Variants in PDE4B observed in about 807,000 individuals in gnomAD.
PDE4B encodes the protein 3',5'-cyclic-AMP phosphodiesterase 4B.
A neutral mutation model predicts 82.2 loss-of-function variants in PDE4B; 20 were observed. The observed-to-expected ratio is 0.24, with a 90% CI of 0.17 to 0.35. The LOEUF (loss-of-function observed/expected upper bound fraction) is 0.35. PDE4B is among the 10% of genes least tolerant of loss of function. The probability of loss-of-function intolerance (pLI) is 1.00; values close to 1 mark genes in which losing one functional copy is unlikely to be tolerated. For synonymous variants in PDE4B, 320 were observed against 318.9 expected (o/e 1.00, Z -0.04); for missense variants, 655 against 907.2 (o/e 0.72, Z 3.57).
intron 3 of PDE4B, among the ~76,000 whole-genome samples, chr1:66,119,917 A>G (rs1349896240): frequency 6.6e-6 from 1 of 152,154 alleles, no homozygotes; most frequent in Non-Finnish European, 1.5e-5. Context: ...TCTACAAGCC[A>G]TGGAATCTCT....
intron 3 of PDE4B, among the ~76,000 whole-genome samples, chr1:65,966,132 T>C (rs1649814651): frequency 6.6e-6 from 1 of 152,160 alleles, no homozygotes; most frequent in African/African-American, 2.4e-5. Flanking sequence ...ATGACATGAT[T>C]GTATATTTAG....
Position 66,198,219 on chromosome 1 carries a change from C to A in PDE4B, c.282-49241C>A, listed in dbSNP as rs370975863. On this transcript the variant is annotated intron_variant, in intron 3 of 16. Transcript: ENST00000341517. ...CCTAGTGATTCCTGGGGGTAGAAAT[C>A]ATTTCTTAAACCTAATATAAAAATC... Among the ~76,000 whole-genome samples the A allele has an allele frequency of 7.2e-5, 11 of 152,264 alleles. No homozygotes were observed. The East Asian group carries it at 1.3e-3, about 19-fold the overall frequency.
chr1:66,354,759 G>A lies in PDE4B; in HGVS notation c.748-768G>A. 3 of 1,510,392 alleles carry A rather than the reference G, an allele frequency of 2.0e-6. No homozygotes were observed. In the East Asian group the frequency reaches 7.5e-5, roughly 38 times the overall value. The allele number at this position is 1,510,392 out of a possible 1,614,324, so 93.6% of individuals were successfully genotyped here. Reference sequence around the variant, plus strand: ...ATTATTTTATCACTGAATCTGCAGGGCTTTCCTGATCCTTTCGGGATTGCT... The same window carrying A: ...ATTATTTTATCACTGAATCTGCAGGACTTTCCTGATCCTTTCGGGATTGCT... On this transcript the variant is annotated intron_variant, in intron 8 of 16. Transcript: ENST00000341517.
chr1:66,152,505 G>A (rs1423485600), intron 3 of PDE4B: 2 of 324,676 alleles, frequency 6.2e-6, no homozygotes, highest in Admixed American at 2.5e-5. Context: ...TATCAGTCAT[G>A]GTTCTCCAGA....
At chr1:65,829,723 C>G (rs1401651468) in intron 1 of PDE4B, among the ~76,000 whole-genome samples, 3 of 151,988 alleles carry the variant, frequency 2.0e-5, no homozygotes. Flanking sequence ...TAAGAAGTCT[C>G]AAGGATAATT....
At chr1:65,919,725 T>C (rs534019455) in intron 3 of PDE4B, among the ~76,000 whole-genome samples, 1 of 150,242 alleles carries the variant, frequency 6.7e-6, no homozygotes, top group South Asian at 2.1e-4. Context: ...AAAAATCTAT[T>C]ATTTTTATGG....
At chr1:65,830,442 C>G (rs1289136403) in intron 1 of PDE4B, among the ~76,000 whole-genome samples, 2 of 152,094 alleles carry the variant, frequency 1.3e-5, no homozygotes, top group Non-Finnish European at 2.9e-5. Context: ...CTCTCATAAA[C>G]ACTGACTTGC....
chr1:66,146,173 CTTTTTTTTTTTTT>C (rs36027532), intron 3 of PDE4B, among the ~76,000 whole-genome samples: 108 of 49,252 alleles, frequency 2.2e-3, no homozygotes, highest in African/African-American at 8.4e-3. Flanking sequence ...GGGTAGCATG[CTTTTTTTTTTTTT>C]TTTTTTTTTT....
chr1:66,361,594 A>T (rs748029018), intron 9 of PDE4B, 21 bp from the exon 10 acceptor site: 2 of 1,602,364 alleles, frequency 1.2e-6, no homozygotes, highest in Non-Finnish European at 1.7e-6. Context: ...GCTGAAAAAC[A>T]TATTCCTTTG....
At chr1:65,870,079 C>T (rs149947236) in intron 1 of PDE4B, among the ~76,000 whole-genome samples, 2 of 152,234 alleles carry the variant, frequency 1.3e-5, no homozygotes, top group African/African-American at 4.8e-5. Flanking sequence ...TGCTCACTTA[C>T]TTTCTCCATT....
At chr1:66,274,698 AAT>A (rs534141107) in intron 7 of PDE4B, among the ~76,000 whole-genome samples, 1 of 152,164 alleles carries the variant, frequency 6.6e-6, no homozygotes, top group Non-Finnish European at 1.5e-5. Flanking sequence ...GTAAGGATTA[AAT>A]ATGTTAACAT....
At chr1:66,092,099 G>T (rs1314142652) in intron 3 of PDE4B, among the ~76,000 whole-genome samples, 1 of 151,926 alleles carries the variant, frequency 6.6e-6, no homozygotes, top group Non-Finnish European at 1.5e-5. Flanking sequence ...AACTCCTTTG[G>T]TTTTTCCAGT....
At chr1:66,266,209 C>A in intron 7 of PDE4B, 122 bp downstream of exon 7, 1 of 762,956 alleles carries the variant, frequency 1.3e-6, no homozygotes, top group Non-Finnish European at 2.3e-6. Context: ...AAAAGTATGT[C>A]TCTTGGTGAC....
chr1:66,181,491 G>GGATA (rs1301750630), intron 3 of PDE4B, among the ~76,000 whole-genome samples: 1 of 152,042 alleles, frequency 6.6e-6, no homozygotes, highest in Non-Finnish European at 1.5e-5. Flanking sequence ...TTAGCTAATG[G>GGATA]GATAACATAA....
chr1:65,925,865 T>G (rs1286420043), intron 3 of PDE4B, among the ~76,000 whole-genome samples: 3 of 152,192 alleles, frequency 2.0e-5, no homozygotes, highest in Non-Finnish European at 4.4e-5. Context: ...TGAAACATGA[T>G]CATAATCTGT....
chr1:66,057,171 T>G (rs1365909964), intron 3 of PDE4B, among the ~76,000 whole-genome samples: 2 of 152,208 alleles, frequency 1.3e-5, no homozygotes, highest in African/African-American at 2.4e-5. Context: ...GAGGGAACTC[T>G]TTCCTTATTT....
chr1:65,982,852 G>C (rs183937530), intron 3 of PDE4B, among the ~76,000 whole-genome samples: 6 of 152,318 alleles, frequency 3.9e-5, no homozygotes, highest in East Asian at 1.9e-4. Flanking sequence ...AGGTAGTTTA[G>C]AGGCCAGCAG....
At chr1:66,030,410 G>A (rs1653707618) in intron 3 of PDE4B, among the ~76,000 whole-genome samples, 1 of 152,156 alleles carries the variant, frequency 6.6e-6, no homozygotes, top group African/African-American at 2.4e-5. Flanking sequence ...TTTTTGAAAG[G>A]GCTTTGGTAG....
At chr1:66,233,049 T>C (rs1652112183) in intron 3 of PDE4B, among the ~76,000 whole-genome samples, 3 of 152,274 alleles carry the variant, frequency 2.0e-5, no homozygotes, top group Admixed American at 2.0e-4. Flanking sequence ...CACATATACA[T>C]TTATGAAGCT....
Sources: gnomAD v4.1 joint callset for allele counts (sites outside exome capture counted in the v4.1 genomes callset) on GRCh38, gnomAD v4.1.1 for gene constraint, MANE v1.5 for transcripts, NCBI Gene and HGNC (gene_info 2026-07-23, HGNC 2026-07-21) for gene names.